Variants in LEKR1 observed in about 807,000 individuals in gnomAD.
The protein encoded by LEKR1 is leucine, glutamate and lysine rich 1.
In LEKR1, 59 loss-of-function variants were observed where a neutral mutation model predicts 72.4. That is an observed-to-expected ratio of 0.82 (90% CI 0.66 to 1.01). The LOEUF (loss-of-function observed/expected upper bound fraction) is 1.01. Ranked by LOEUF, LEKR1 falls within the 50% of genes least tolerant of loss-of-function variation. The pLI is 0.00. For synonymous variants in LEKR1, 257 were observed against 263.2 expected, an observed-to-expected ratio of 0.98 and a Z score of 0.23; for missense variants, 728 against 759.2, an observed-to-expected ratio of 0.96 and a Z score of 0.48.
In LEKR1 at chr3:157,039,130, G is replaced by GA. The variant is rs1208257741; in HGVS notation, c.1669-6204dup. 1.1e-4 allele frequency among the ~76,000 whole-genome samples: 16 copies of GA among 152,230 alleles called. No homozygotes were observed. The East Asian group carries it at 2.9e-3, about 28-fold the overall frequency. On this transcript the variant is annotated intron_variant, in intron 12 of 12. Transcript: ENST00000356539. The stretch of plus-strand genomic sequence containing the variant: ...CTCTACAGGGCTACCAAGATGATAG[G>GA]AAAAAATCAAGGATTTGCCTCCTAT...
chr3:156,843,923 A>G (rs1322308555), intron 2 of LEKR1, among the ~76,000 whole-genome samples: 1 of 152,156 alleles, frequency 6.6e-6, no homozygotes, highest in Non-Finnish European at 1.5e-5. Context: ...GAAGCTGTAT[A>G]ATTTTTGGAG....
chr3:156,932,813 G>A (rs1460905867), intron 5 of LEKR1, among the ~76,000 whole-genome samples: 2 of 151,588 alleles, frequency 1.3e-5, no homozygotes, highest in African/African-American at 2.4e-5. Flanking sequence ...GGCGGATCCC[G>A]AGGTCAGGAG....
At chr3:156,887,270 G>T (rs545613515) in intron 3 of LEKR1, among the ~76,000 whole-genome samples, 4 of 151,358 alleles carry the variant, frequency 2.6e-5, no homozygotes, top group East Asian at 1.9e-4. Context: ...TTTTGAATTT[G>T]CTTTTGGAGA....
At position 156,880,091 on chromosome 3, in the gene LEKR1, C is replaced by G. The variant is rs1440339294; in HGVS notation, c.263+27109C>G. ...GCTATGAGAAGAGGACCACTCTCCT[C>G]CAGACCCCAGAATTTTAGATCTGAC... On this transcript the variant is annotated intron_variant, in intron 3 of 12. Transcript: ENST00000356539. Among the ~76,000 whole-genome samples, 3 of 152,168 alleles carry G rather than the reference C, an allele frequency of 2.0e-5. 1 individual carries two copies. Among genetic ancestry groups the G allele is most frequent in the African/African-American group, 7.2e-5 (3 of 41,430 alleles).
At chr3:156,844,422 A>T (rs1036263265) in intron 2 of LEKR1, among the ~76,000 whole-genome samples, 2 of 152,172 alleles carry the variant, frequency 1.3e-5, no homozygotes, top group Non-Finnish European at 2.9e-5. Context: ...CATAACCAGG[A>T]TATTGACAAT....
rs115929161 is a variant in LEKR1, at chr3:157,038,069, C to T, written c.1669-7271C>T. Among the ~76,000 whole-genome samples the T allele has an allele frequency of 4.3e-3, 652 of 152,222 alleles. 2 individuals carry two copies. The highest frequency in any genetic ancestry group is 0.015 in the African/African-American group (622 of 41,508). ...GTGATAGAAAGCCACCTAGGAATTT[C>T]GAACAAGGAATTGACATGATCTGAC... On this transcript the variant is annotated intron_variant, in intron 12 of 12. Transcript: ENST00000356539.
chr3:156,861,742 A>T (rs1156279744), intron 3 of LEKR1, among the ~76,000 whole-genome samples: 1 of 152,246 alleles, frequency 6.6e-6, no homozygotes. Context: ...TTTTGTCTAG[A>T]TGTGTAAGTA....
At chr3:156,922,614 G>C (rs1235311614) in intron 4 of LEKR1, among the ~76,000 whole-genome samples, 1 of 152,228 alleles carries the variant, frequency 6.6e-6, no homozygotes, top group Admixed American at 6.5e-5. Context: ...ATTCTTTCAT[G>C]ATCTGTGTTT....
chr3:156,965,911 A>G (rs1320898410), intron 6 of LEKR1, among the ~76,000 whole-genome samples: 2 of 152,204 alleles, frequency 1.3e-5, no homozygotes, highest in South Asian at 2.1e-4. Context: ...CATTATAAAA[A>G]TTTTAAATGA....
chr3:156,896,572 C>T (rs907029716), intron 3 of LEKR1, among the ~76,000 whole-genome samples: 1 of 152,058 alleles, frequency 6.6e-6, no homozygotes, highest in African/African-American at 2.4e-5. Context: ...GATGAGGTTG[C>T]AAAGGAAAGG....
intron 3 of LEKR1, among the ~76,000 whole-genome samples, chr3:156,890,761 C>T (rs1336955969): frequency 6.6e-6 from 1 of 152,062 alleles, no homozygotes; most frequent in African/African-American, 2.4e-5. Flanking sequence ...TCAGCTTACC[C>T]CAAAGTAATG....
chr3:156,854,741 A>T (rs1715837417), intron 3 of LEKR1, among the ~76,000 whole-genome samples: 1 of 150,080 alleles, frequency 6.7e-6, no homozygotes, highest in South Asian at 2.1e-4. Flanking sequence ...TTTTCTAGAG[A>T]TGCTGTTTTG....
At chr3:156,932,646 G>A (rs1406319565) in intron 5 of LEKR1, among the ~76,000 whole-genome samples, 1 of 149,946 alleles carries the variant, frequency 6.7e-6, no homozygotes, top group Non-Finnish European at 1.5e-5. Flanking sequence ...CTGGGAGGTG[G>A]AGGTTGCAGT....
At chr3:156,865,878 C>CT (rs1378595121) in intron 3 of LEKR1, among the ~76,000 whole-genome samples, 1 of 151,968 alleles carries the variant, frequency 6.6e-6, no homozygotes, top group Non-Finnish European at 1.5e-5. Flanking sequence ...TTATATACCT[C>CT]TTTTTTCAGG....
At chr3:156,861,278 A>G (rs1716733224) in intron 3 of LEKR1, among the ~76,000 whole-genome samples, 2 of 152,148 alleles carry the variant, frequency 1.3e-5, no homozygotes, top group Admixed American at 6.6e-5. Context: ...TCTTTTATAC[A>G]TGTCTCATCC....
intron 3 of LEKR1, among the ~76,000 whole-genome samples, chr3:156,856,437 T>C (rs1716069230): frequency 6.6e-6 from 1 of 152,202 alleles, no homozygotes; most frequent in Non-Finnish European, 1.5e-5. Flanking sequence ...ATATTTTCTT[T>C]TCTGGACGAA....
At chr3:156,878,267 A>G (rs1342191622) in intron 3 of LEKR1, among the ~76,000 whole-genome samples, 1 of 152,056 alleles carries the variant, frequency 6.6e-6, no homozygotes, top group Non-Finnish European at 1.5e-5. Flanking sequence ...ATTTAGTGCT[A>G]TGAACTTTCC....
intron 5 of LEKR1, among the ~76,000 whole-genome samples, chr3:156,929,086 G>C (rs1354405585): frequency 1.3e-5 from 2 of 150,474 alleles, no homozygotes; most frequent in Non-Finnish European, 3.0e-5. Context: ...AAGAAAATCT[G>C]AGTAAGCAAC....
At chr3:156,866,786 G>T (rs892508547) in intron 3 of LEKR1, among the ~76,000 whole-genome samples, 1 of 151,918 alleles carries the variant, frequency 6.6e-6, no homozygotes, top group Non-Finnish European at 1.5e-5. Flanking sequence ...TGGATGGATG[G>T]ACAGCAACCA....
Sources: gnomAD v4.1 joint callset for allele counts (sites outside exome capture counted in the v4.1 genomes callset) on GRCh38, gnomAD v4.1.1 for gene constraint, MANE v1.5 for transcripts, NCBI Gene and HGNC (gene_info 2026-07-23, HGNC 2026-07-21) for gene names.